Variants in TCF3 observed in about 807,000 individuals in gnomAD.
TCF3 encodes the protein transcription factor 3.
TCF3 carries 54 observed loss-of-function variants against 72.3 expected under a neutral mutation model. The ratio of observed to expected loss-of-function variants is 0.75; its 90% confidence interval spans 0.60 to 0.94. The LOEUF is 0.94. Among genes scored for constraint, TCF3 ranks in the 40% least tolerant of loss-of-function variants. The pLI, the probability that TCF3 is intolerant of heterozygous loss-of-function variation, is 0.00. For synonymous variants in TCF3, 525 were observed against 412.6 expected (o/e 1.27, Z -3.30); for missense variants, 1,078 against 934.4 (o/e 1.15, Z -2.00).
chr19:1,631,315 C>T (rs1413831618), intron 5 of TCF3, among the ~76,000 whole-genome samples: 1 of 151,824 alleles, frequency 6.6e-6, no homozygotes, highest in Non-Finnish European at 1.5e-5. Context: ...ATCACCCAGG[C>T]TGGAGGGCAA....
intron 8 of TCF3, 26 bp from the exon 9 acceptor site, chr19:1,622,441 T>C (rs2062359818): frequency 8.5e-7 from 1 of 1,181,590 alleles, no homozygotes; most frequent in Non-Finnish European, 1.2e-6. Context: ...CGGTGGGGGG[T>C]GCAGTCAGGA....
At chr19:1,618,234 T>C (rs2061751380) in intron 16 of TCF3, among the ~76,000 whole-genome samples, 1 of 151,978 alleles carries the variant, frequency 6.6e-6, no homozygotes, top group Non-Finnish European at 1.5e-5. Flanking sequence ...TCAAGTCCTG[T>C]CCATCACAAA....
At position 1,622,444 on chromosome 19, in the gene TCF3, A is replaced by G. The variant is rs756747375; in HGVS notation, c.550-29T>C. The stretch of plus-strand genomic sequence containing the variant: ...CGGGCGGGTGGGCGGTGGGGGGTGC[A>G]GTCAGGACGGAGGGACCACGATCAG... On this transcript the variant is annotated intron_variant, in intron 8 of 18. Transcript: ENST00000262965. 27 of 1,111,498 alleles carry G rather than the reference A, an allele frequency of 2.4e-5. No homozygotes were observed. In the East Asian group the frequency reaches 2.6e-4, roughly 11 times the overall value. 68.9% of individuals were successfully genotyped at this position (1,111,498 alleles called of 1,614,324 possible). A position where few individuals can be genotyped will look rare whatever the true frequency, so the allele number is the denominator to read the frequency against.
At chr19:1,618,688 C>T (rs1238689506) in intron 16 of TCF3, among the ~76,000 whole-genome samples, 1 of 152,226 alleles carries the variant, frequency 6.6e-6, no homozygotes, top group South Asian at 2.1e-4. Flanking sequence ...CAAACACCAC[C>T]TTGTGGCCTC....
At position 1,622,198 on chromosome 19, in the gene TCF3, C is replaced by G. The variant is rs1182112166; in HGVS notation, c.678G>C (p.Glu226Asp). 3 of 1,560,932 alleles carry G rather than the reference C, an allele frequency of 1.9e-6. No individual in the cohort carries two copies. Among genetic ancestry groups the G allele is most frequent in the Non-Finnish European group, 2.6e-6 (3 of 1,155,170 alleles). The change falls in exon 10 of 19, where the codon GAG becomes GAC. Residue 226 changes from glutamate (E) to aspartate (D), a missense_variant. Glu to Asp is a conservative substitution (Grantham distance 45, BLOSUM62 2). Coordinates refer to ENST00000262965, the MANE Select transcript of TCF3 (RefSeq NM_003200.5). ...CCGCCTGGCCCGGGGGACTCCAGAG[C>G]TCGGCTGAGGGGTGCAGGCTGCCAT... is the stretch of plus-strand genomic sequence containing the variant. ...VADGSLHPSA[E>D]LWSPPGQAGF...
At chr19:1,646,546 C>T (rs751306060) in intron 2 of TCF3, 119 bp from the exon 3 acceptor site, 30 of 850,046 alleles carry the variant, frequency 3.5e-5, no homozygotes, top group Non-Finnish European at 5.0e-5. Flanking sequence ...AGACTGCGCT[C>T]CATCTAGGCC....
At position 1,613,695 on chromosome 19, in the gene TCF3, C is replaced by A. The variant is rs775919732; in HGVS notation, c.1822+1590G>T. On this transcript the variant is annotated intron_variant, in intron 18 of 18. Coordinates refer to ENST00000262965, the MANE Select transcript of TCF3 (RefSeq NM_003200.5). ...CAAATCAGGGCTCACATGGAGCAAA[C>A]CAGCTCCCATCCCCCGAGACCCCCA... 2.0e-5 allele frequency among the ~76,000 whole-genome samples: 3 copies of A among 151,968 alleles called. No homozygotes were observed. In the East Asian group the frequency reaches 5.8e-4, roughly 30 times the overall value.
At chr19:1,625,445 C>T (rs2062768914) in intron 7 of TCF3, 131 bp downstream of exon 7, 2 of 1,227,238 alleles carry the variant, frequency 1.6e-6, no homozygotes, top group African/African-American at 1.6e-5. Flanking sequence ...CCCGAGCGCC[C>T]GACGTCCAGC....
Position 1,622,213 on chromosome 19 carries a change from C to A in TCF3, c.663G>T (p.Leu221=). 1 of 1,551,052 alleles carries A rather than the reference C, an allele frequency of 6.4e-7. No individual in the cohort carries two copies. Among genetic ancestry groups the A allele is most frequent in the African/African-American group, 1.4e-5 (1 of 73,816 alleles). Reference sequence around the variant, plus strand: ...GACTCCAGAGCTCGGCTGAGGGGTGCAGGCTGCCATCTGTGGAGGGGAGCT... The same window carrying A: ...GACTCCAGAGCTCGGCTGAGGGGTGAAGGCTGCCATCTGTGGAGGGGAGCT... ...PAPFYVADGS[L]HPSAELWSPP... The change falls in exon 10 of 19, where the codon CTG becomes CTT. Residue 221 remains leucine, a synonymous_variant. Coordinates refer to ENST00000262965, the MANE Select transcript of TCF3 (RefSeq NM_003200.5).
chr19:1,630,786 C>T (rs10402283), intron 5 of TCF3, among the ~76,000 whole-genome samples: 1,685 of 152,180 alleles, frequency 0.011, 33 homozygotes, highest in African/African-American at 0.038. Context: ...GAGGCCCTTA[C>T]CAGCCCCCCA....
At position 1,610,735 on chromosome 19, in the gene TCF3, C is replaced by T. The variant is rs192319002; in HGVS notation, c.*972G>A. 127 of 231,716 alleles carry T rather than the reference C, an allele frequency of 5.5e-4. No homozygotes were observed. Among genetic ancestry groups the T allele is most frequent in the East Asian group, 3.1e-3 (51 of 16,432 alleles). The allele number at this position is 231,716 out of a possible 1,614,324, so 14.4% of individuals were successfully genotyped here. Reference sequence around the variant, plus strand: ...GGGAGGGTCAGAGCCACCTTGCTGACGTCCCTTCCCCCAAGCCCAGGTCAG... The same window carrying T: ...GGGAGGGTCAGAGCCACCTTGCTGATGTCCCTTCCCCCAAGCCCAGGTCAG... On this transcript the variant is annotated 3_prime_UTR_variant, in exon 19 of 19. Coordinates refer to ENST00000262965, the MANE Select transcript of TCF3 (RefSeq NM_003200.5).
At chr19:1,638,318 C>T (rs1410078135) in intron 3 of TCF3, among the ~76,000 whole-genome samples, 1 of 152,202 alleles carries the variant, frequency 6.6e-6, no homozygotes, top group Non-Finnish European at 1.5e-5. Flanking sequence ...ACAAATGTTT[C>T]CTAGTAAGAT....
chr19:1,630,071 G>A (rs374495118), intron 5 of TCF3, among the ~76,000 whole-genome samples: 176 of 152,334 alleles, frequency 1.2e-3, no homozygotes, highest in African/African-American at 4.1e-3. Context: ...CTATGGCCTG[G>A]GCCCCACCCG....
chr19:1,612,468 C>T (rs760325933), intron 18 of TCF3: 121 of 1,558,036 alleles, frequency 7.8e-5, no homozygotes, highest in Non-Finnish European at 9.7e-5. Context: ...GTTAGTGATG[C>T]GCCAAGGCTG....
chr19:1,619,213 C>T lies in TCF3; in HGVS notation c.1348G>A (p.Asp450Asn). 1 of 1,597,576 alleles carries T rather than the reference C, an allele frequency of 6.3e-7. No homozygotes were observed. Residue 450 changes from aspartate to asparagine, a missense_variant, in exon 16 of 19, where the codon GAC (aspartate) becomes AAC (asparagine). Asp to Asn is a conservative substitution (Grantham distance 23). Transcript: ENST00000262965. ...AGGCTGGTGCTGCCTGCGAGGCCGT[C>T]CTCGGGGTGGCTGCCTCCAACCTGC... ...AGLVGGSHPE[D>N]GLAGSTSLMH...
intron 3 of TCF3, among the ~76,000 whole-genome samples, chr19:1,643,323 C>T (rs1011007426): frequency 6.6e-6 from 1 of 152,310 alleles, no homozygotes; most frequent in Non-Finnish European, 1.5e-5. Flanking sequence ...CAGGCTCCAG[C>T]AATCCTCCTG....
intron 1 of TCF3, among the ~76,000 whole-genome samples, chr19:1,652,032 C>T (rs1227287602): frequency 6.7e-6 from 1 of 150,150 alleles, no homozygotes; most frequent in Non-Finnish European, 1.5e-5. Flanking sequence ...CGCCCCCGCC[C>T]GGGGCTGCTT....
rs192455463 is a variant in TCF3, at chr19:1,621,280, G to A, written c.956-89C>T. On this transcript the variant is annotated intron_variant, in intron 11 of 18. Transcript: ENST00000262965. ...CTCCTGCGTTCTGCCGTCCTGCACAGACACTGCTGCGCCAGGGAGAGCAGC... is the reference window on the plus strand; with the variant it reads ...CTCCTGCGTTCTGCCGTCCTGCACAAACACTGCTGCGCCAGGGAGAGCAGC... The A allele has an allele frequency of 4.8e-3, 6,856 of 1,426,478 alleles. 27 individuals are homozygous for A. The highest frequency in any genetic ancestry group is 5.8e-3 in the Non-Finnish European group (6,212 of 1,062,088). 88.4% of individuals were successfully genotyped at this position (1,426,478 alleles called of 1,614,324 possible).
At chr19:1,643,532 G>A (rs1311805677) in intron 3 of TCF3, among the ~76,000 whole-genome samples, 2 of 150,754 alleles carry the variant, frequency 1.3e-5, no homozygotes, top group African/African-American at 2.4e-5. Context: ...TTTTCTGTTT[G>A]TTTGAGTTGG....
Sources: gnomAD v4.1 joint callset for allele counts (sites outside exome capture counted in the v4.1 genomes callset) on GRCh38, gnomAD v4.1.1 for gene constraint, MANE v1.5 for transcripts, NCBI Gene and HGNC (gene_info 2026-07-23, HGNC 2026-07-21) for gene names.